Variants in LAMA4 observed in about 807,000 individuals in gnomAD.
The protein encoded by LAMA4 is laminin subunit alpha 4.
LAMA4 carries 127 observed loss-of-function variants against 207.1 expected under a neutral mutation model. The observed-to-expected ratio is 0.61, with a 90% CI of 0.53 to 0.71. LAMA4 has a LOEUF of 0.71. Ranked by LOEUF, LAMA4 falls within the 30% of genes least tolerant of loss-of-function variation. LAMA4 has a pLI of 0.00. For missense variants in LAMA4, 2,093 were observed against 2,246.5 expected (o/e 0.93, Z 1.38); for synonymous variants, 761 against 816.0 (o/e 0.93, Z 1.15).
intron 4 of LAMA4, among the ~76,000 whole-genome samples, chr6:112,202,185 C>A (rs538996220): frequency 1.5e-4 from 23 of 152,224 alleles, no homozygotes; most frequent in African/African-American, 3.9e-4. Flanking sequence ...CTGGCTGCGT[C>A]GATGAAAGTC....
At chr6:112,170,289 G>T (rs919159667) in intron 12 of LAMA4, among the ~76,000 whole-genome samples, 1 of 152,172 alleles carries the variant, frequency 6.6e-6, no homozygotes, top group African/African-American at 2.4e-5. Flanking sequence ...GGGATCTCCT[G>T]CAGGCCATTG....
rs1777561785 is a variant in LAMA4 at position 112,109,150 on chromosome 6, T to G, written c.*287A>C. On this transcript the variant is annotated 3_prime_UTR_variant, in exon 39 of 39. Coordinates refer to ENST00000230538, the MANE Select transcript of LAMA4 (RefSeq NM_001105206.3). ...AGTGTTTATTTGGAATCCCTTCTAT[T>G]TTATTAGAAACAGAAACAGTAATTT... The G allele has an allele frequency of 2.4e-6, 1 of 421,924 alleles. No homozygotes were observed. Among genetic ancestry groups the G allele is most frequent in the South Asian group, 2.4e-5 (1 of 41,282 alleles). The allele number at this position is 421,924 out of a possible 1,614,324, so 26.1% of individuals were successfully genotyped here.
In LAMA4 at chr6:112,115,891, T is replaced by G; in HGVS notation, c.5084A>C (p.Tyr1695Ser). 1 of 1,613,512 alleles carries G rather than the reference T, an allele frequency of 6.2e-7. No individual in the cohort carries two copies. Among genetic ancestry groups the G allele is most frequent in the Non-Finnish European group, 8.5e-7 (1 of 1,179,540 alleles). ...LVHGHSVNGE[Y>S]LNVHMKNGQV... ...TCCATTTTTCATGTGAACATTTAGG[T>G]ACTCCCCATTGACACTGTGGCCGTG... Residue 1695 changes from tyrosine to serine, a missense_variant, in exon 36 of 39, where the codon TAC becomes TCC. Tyr to Ser is a moderately radical substitution (Grantham distance 144, BLOSUM62 -2). Coordinates refer to ENST00000230538, the MANE Select transcript of LAMA4 (RefSeq NM_001105206.3).
intron 3 of LAMA4, among the ~76,000 whole-genome samples, chr6:112,212,893 T>A (rs1784429998): frequency 6.6e-6 from 1 of 152,192 alleles, no homozygotes; most frequent in Non-Finnish European, 1.5e-5. Context: ...GATTTCTGCC[T>A]TACACAGTAA....
chr6:112,216,308 T>A lies in LAMA4; in HGVS notation c.297+60A>T, dbSNP rs371074945. The A allele has an allele frequency of 6.2e-6, 7 of 1,130,918 alleles. No individual in the cohort carries two copies. In the Admixed American group the frequency reaches 1.0e-4, roughly 16 times the overall value. 70.1% of individuals were successfully genotyped at this position (1,130,918 alleles called of 1,614,324 possible). On this transcript the variant is annotated intron_variant, in intron 3 of 38. Transcript: ENST00000230538. ...TCAAACATCCGAAAAATATTTTATC[T>A]TCACCCAAGATGCAAATGCCCAGTG...
At chr6:112,227,005 G>A (rs974624687) in intron 2 of LAMA4, among the ~76,000 whole-genome samples, 2 of 151,790 alleles carry the variant, frequency 1.3e-5, no homozygotes, top group Non-Finnish European at 2.9e-5. Flanking sequence ...AAAGGAGTGG[G>A]GATGAGACTG....
intron 2 of LAMA4, among the ~76,000 whole-genome samples, chr6:112,224,223 T>TGA (rs1369867812): frequency 1.3e-5 from 2 of 152,060 alleles, no homozygotes; most frequent in Non-Finnish European, 2.9e-5. Flanking sequence ...AAGAATATCC[T>TGA]CCCTCCCCTT....
intron 8 of LAMA4, among the ~76,000 whole-genome samples, chr6:112,185,812 C>T (rs1032088990): frequency 2.0e-5 from 3 of 152,008 alleles, no homozygotes; most frequent in Non-Finnish European, 4.4e-5. Context: ...TTTTCATTTT[C>T]GAGGAGTTGG....
In LAMA4 at chr6:112,187,543, G is replaced by A. The variant is rs141611768; in HGVS notation, c.873C>T (p.Ile291=). The A allele has an allele frequency of 3.0e-4, 485 of 1,614,078 alleles. No individual in the cohort carries two copies. The highest frequency in any genetic ancestry group is 4.0e-4 in the Non-Finnish European group (475 of 1,179,976). ...TCAGCACCCCGGATTTGCCTTCCTC[G>A]ATGGAGAGCGCTGCTAACCGCAGGT... is the stretch of plus-strand genomic sequence containing the variant. ...TDDLRLAALS[I]EEGKSGVLSV... The change falls in exon 8 of 39, where the codon ATC becomes ATT. Residue 291 remains isoleucine, a synonymous_variant. Coordinates refer to ENST00000230538, the MANE Select transcript of LAMA4 (RefSeq NM_001105206.3).
intron 2 of LAMA4, among the ~76,000 whole-genome samples, chr6:112,244,037 A>G (rs1266392174): frequency 2.6e-5 from 4 of 152,180 alleles, no homozygotes; most frequent in African/African-American, 9.7e-5. Flanking sequence ...CAGCCTGGGC[A>G]ACAGAGCTCT....
chr6:112,197,006 C>T (rs1783460288), intron 5 of LAMA4, among the ~76,000 whole-genome samples: 1 of 152,112 alleles, frequency 6.6e-6, no homozygotes, highest in Non-Finnish European at 1.5e-5. Flanking sequence ...AATTATGTCG[C>T]ATTTCTTCCT....
chr6:112,223,169 T>C (rs1554361141), intron 2 of LAMA4, among the ~76,000 whole-genome samples: 1 of 152,200 alleles, frequency 6.6e-6, no homozygotes, highest in Admixed American at 6.5e-5. Context: ...ACATAGCCTC[T>C]GATGCTGCCA....
intron 6 of LAMA4, among the ~76,000 whole-genome samples, chr6:112,189,936 G>A (rs1782918872): frequency 1.3e-5 from 2 of 152,076 alleles, no homozygotes; most frequent in South Asian, 2.1e-4. Flanking sequence ...GAACTAATTT[G>A]TAATATTTAA....
At chr6:112,121,233 C>T (rs10452616) in intron 32 of LAMA4, among the ~76,000 whole-genome samples, 9,606 of 152,018 alleles carry the variant, frequency 0.063, 968 homozygotes, top group African/African-American at 0.22. Flanking sequence ...TAATGGATAC[C>T]ACATGTAAAA....
chr6:112,182,233 A>C lies in LAMA4; in HGVS notation c.1077+3004T>G, dbSNP rs570819034. ...GGTTCCAGGACCCCACAGATACCAA[A>C]ATTCATGGTTGTTCAAGTTTCTTAC... On this transcript the variant is annotated intron_variant, in intron 9 of 38. Transcript: ENST00000230538. 1.2e-4 allele frequency among the ~76,000 whole-genome samples: 18 copies of C among 152,240 alleles called. No homozygotes were observed. In the South Asian group the frequency reaches 1.7e-3, roughly 14 times the overall value.
At chr6:112,168,345 C>CTT (rs34395210) in intron 12 of LAMA4, among the ~76,000 whole-genome samples, 4,480 of 129,270 alleles carry the variant, frequency 0.035, 277 homozygotes, top group African/African-American at 0.12. Context: ...AGCTAGTGTT[C>CTT]TTTTTTTTTT....
intron 36 of LAMA4, among the ~76,000 whole-genome samples, chr6:112,115,571 TTCCATTTGGTGAAAAAAAGTTCTTCTCA>T (rs1777968187): frequency 6.6e-6 from 1 of 152,166 alleles, no homozygotes; most frequent in Non-Finnish European, 1.5e-5. Context: ...TGTTTGCTGA[TTCCATTTGGTGAAAAAAAGTTCTTCTCA>T]TTCTTCTCTT....
intron 13 of LAMA4, 73 bp from the exon 14 acceptor site, chr6:112,158,953 T>A (rs1245611959): frequency 9.8e-7 from 1 of 1,016,420 alleles, no homozygotes; most frequent in Non-Finnish European, 1.5e-6. Context: ...CACCAAAAGA[T>A]AATCTCTGTT....
rs1479409927 is a variant in LAMA4 at position 112,191,924 on chromosome 6, G to T, written c.504-74C>A. 1.0e-5 allele frequency: 12 copies of T among 1,145,892 alleles called. No individual in the cohort carries two copies. The Admixed American group carries it at 1.5e-4, about 15-fold the overall frequency. 71.0% of individuals were successfully genotyped at this position (1,145,892 alleles called of 1,614,324 possible). Reference sequence around the variant, plus strand: ...TCCTTTTAATCTTCTTTCCTACAAAGAAGAAAGATGTAGTGGATATTTATT... The same window carrying T: ...TCCTTTTAATCTTCTTTCCTACAAATAAGAAAGATGTAGTGGATATTTATT... On this transcript the variant is annotated intron_variant, in intron 5 of 38. Transcript: ENST00000230538.
Sources: gnomAD v4.1 joint callset for allele counts (sites outside exome capture counted in the v4.1 genomes callset) on GRCh38, gnomAD v4.1.1 for gene constraint, MANE v1.5 for transcripts, NCBI Gene and HGNC (gene_info 2026-07-23, HGNC 2026-07-21) for gene names.